Variants in MAGI2 observed in about 807,000 individuals in gnomAD.
The protein encoded by MAGI2 is membrane associated guanylate kinase, WW and PDZ domain containing 2.
Under a neutral mutation model 133.3 loss-of-function variants are expected in MAGI2, and 35 were observed. That is an observed-to-expected ratio of 0.26 (90% CI 0.20 to 0.35). MAGI2 has a LOEUF of 0.35. Ranked by LOEUF, MAGI2 falls within the 10% of genes least tolerant of loss-of-function variation. The pLI is 1.00. For missense variants in MAGI2, 1,636 were observed against 1,863.4 expected (o/e 0.88, Z 2.25); for synonymous variants, 729 against 710.6 (o/e 1.03, Z -0.41).
At chr7:78,657,026 A>C (rs1812371657) in intron 2 of MAGI2, among the ~76,000 whole-genome samples, 1 of 151,998 alleles carries the variant, frequency 6.6e-6, no homozygotes, top group South Asian at 2.1e-4. Context: ...AAACACATTA[A>C]CAGATACCTC....
intron 3 of MAGI2, among the ~76,000 whole-genome samples, chr7:78,533,674 T>C (rs984892613): frequency 6.6e-6 from 1 of 152,214 alleles, no homozygotes; most frequent in Non-Finnish European, 1.5e-5. Context: ...CACTAGTTCT[T>C]AGTACCACAA....
At chr7:78,704,221 C>T (rs952869969) in intron 2 of MAGI2, among the ~76,000 whole-genome samples, 7 of 151,954 alleles carry the variant, frequency 4.6e-5, no homozygotes, top group East Asian at 1.9e-4. Flanking sequence ...CAAATTACAA[C>T]AAAAAACCAA....
At chr7:78,774,481 CT>C (rs1418369565) in intron 2 of MAGI2, among the ~76,000 whole-genome samples, 3 of 152,176 alleles carry the variant, frequency 2.0e-5, no homozygotes, top group Non-Finnish European at 4.4e-5. Flanking sequence ...GTATAATTCA[CT>C]TCTTTGATTC....
At chr7:78,114,305 T>C (rs3807728) in intron 20 of MAGI2, among the ~76,000 whole-genome samples, 75,372 of 152,074 alleles carry the variant, frequency 0.5, 18,792 homozygotes, top group African/African-American at 0.55. Context: ...ATGTAAATCA[T>C]GCACCAATGA....
In MAGI2 at chr7:78,773,651, GC is replaced by G. The variant is rs565388754; in HGVS notation, c.419-146413del. Among the ~76,000 whole-genome samples the G allele has an allele frequency of 7.9e-5, 12 of 152,214 alleles. No individual in the cohort carries two copies. In the South Asian group the frequency reaches 2.5e-3, roughly 32 times the overall value. ...AAAAAGAAGAAAAATTCTCCTTAAG[GC>G]GAGGCAGGACAGTCACATAGAATAG... On this transcript the variant is annotated intron_variant, in intron 2 of 21. Coordinates refer to ENST00000354212, the MANE Select transcript of MAGI2 (RefSeq NM_012301.4).
intron 2 of MAGI2, among the ~76,000 whole-genome samples, chr7:78,654,284 T>A (rs1479936567): frequency 6.6e-6 from 1 of 152,160 alleles, no homozygotes; most frequent in Non-Finnish European, 1.5e-5. Context: ...ACCTTCCTCA[T>A]ATGAGGAATT....
intron 2 of MAGI2, among the ~76,000 whole-genome samples, chr7:78,947,197 G>A (rs1233852720): frequency 6.6e-6 from 1 of 151,864 alleles, no homozygotes; most frequent in Non-Finnish European, 1.5e-5. Flanking sequence ...ACTTAATAAG[G>A]ATGGAGCGTT....
chr7:79,260,014 A>T (rs1204793006), intron 1 of MAGI2, among the ~76,000 whole-genome samples: 1 of 152,240 alleles, frequency 6.6e-6, no homozygotes, highest in Non-Finnish European at 1.5e-5. Context: ...TATTGTACCG[A>T]CAATACAAAT....
chr7:78,269,616 T>G (rs1405363816), intron 9 of MAGI2, among the ~76,000 whole-genome samples: 1 of 152,202 alleles, frequency 6.6e-6, no homozygotes, highest in Non-Finnish European at 1.5e-5. Flanking sequence ...CTTCGCCCAC[T>G]TTTTGATGGG....
intron 2 of MAGI2, among the ~76,000 whole-genome samples, chr7:78,788,370 C>A (rs1827003064): frequency 6.6e-6 from 1 of 152,122 alleles, no homozygotes; most frequent in South Asian, 2.1e-4. Context: ...AATCAAAATG[C>A]ATTTTCATCT....
At chr7:78,198,448 T>C (rs975829156) in intron 11 of MAGI2, among the ~76,000 whole-genome samples, 5 of 142,946 alleles carry the variant, frequency 3.5e-5, no homozygotes, top group African/African-American at 5.1e-5. Context: ...TTTTTTTTTT[T>C]CGAGACATGG....
intron 9 of MAGI2, among the ~76,000 whole-genome samples, chr7:78,296,240 G>C (rs1797224948): frequency 6.6e-6 from 1 of 152,146 alleles, no homozygotes; most frequent in Non-Finnish European, 1.5e-5. Context: ...ATGCCTTACT[G>C]TGTTCTATGA....
chr7:78,209,721 A>C (rs886645902), intron 10 of MAGI2, among the ~76,000 whole-genome samples: 1 of 152,204 alleles, frequency 6.6e-6, no homozygotes. Flanking sequence ...AACAACAGCA[A>C]ATTTGACGAT....
intron 2 of MAGI2, among the ~76,000 whole-genome samples, chr7:78,866,540 G>A (rs1426615065): frequency 6.6e-6 from 1 of 151,890 alleles, no homozygotes; most frequent in Non-Finnish European, 1.5e-5. Flanking sequence ...ACTAGTTTGT[G>A]AGTCCCAGGA....
At chr7:79,365,164 C>T (rs1100310) in intron 1 of MAGI2, among the ~76,000 whole-genome samples, 21,693 of 152,048 alleles carry the variant, frequency 0.14, 1,715 homozygotes, top group Middle Eastern at 0.19. Context: ...ATCAGAGATA[C>T]GCAAATTAAA....
chr7:78,613,820 A>G (rs1406246825), intron 3 of MAGI2, among the ~76,000 whole-genome samples: 1 of 152,080 alleles, frequency 6.6e-6, no homozygotes, highest in Non-Finnish European at 1.5e-5. Context: ...AGACGAATAT[A>G]TACAGAGGCC....
At chr7:78,825,013 T>TA (rs549249053) in intron 2 of MAGI2, among the ~76,000 whole-genome samples, 115 of 151,956 alleles carry the variant, frequency 7.6e-4, no homozygotes, top group African/African-American at 2.7e-3. Context: ...GGGAGTTGAA[T>TA]AATGAGAACA....
chr7:78,085,550 C>CCACACACACACA (rs10636313), intron 20 of MAGI2, among the ~76,000 whole-genome samples: 29 of 121,042 alleles, frequency 2.4e-4, no homozygotes, highest in Admixed American at 9.1e-4. Flanking sequence ...AATAAAACTC[C>CCACACACACACA]CACACACACA....
Position 78,416,992 on chromosome 7 carries a change from G to C in MAGI2, c.1046-47779C>G, listed in dbSNP as rs565099335. Among the ~76,000 whole-genome samples, 3 of 152,194 alleles carry C rather than the reference G, an allele frequency of 2.0e-5. No homozygotes were observed. In the East Asian group the frequency reaches 5.8e-4, roughly 30 times the overall value. ...TCTGAGAATTTTGTTATAATAGCATGAATGGACTAAGACAAGTGGTCACTG... is the reference window on the plus strand; with the variant it reads ...TCTGAGAATTTTGTTATAATAGCATCAATGGACTAAGACAAGTGGTCACTG... On this transcript the variant is annotated intron_variant, in intron 6 of 21. Coordinates refer to ENST00000354212, the MANE Select transcript of MAGI2 (RefSeq NM_012301.4).
Sources: allele counts gnomAD v4.1 joint callset (sites outside exome capture counted in the v4.1 genomes callset), GRCh38; gene constraint gnomAD v4.1.1; transcripts MANE v1.5; gene names NCBI Gene and HGNC (gene_info 2026-07-23, HGNC 2026-07-21).